The following NPTN variants were observed in gnomAD, a reference collection of about 807,000 sequenced individuals.
The protein encoded by NPTN is neuroplastin.
In NPTN, 5 loss-of-function variants were observed where a neutral mutation model predicts 42.7. The ratio of observed to expected loss-of-function variants is 0.12; its 90% confidence interval spans 0.06 to 0.25. The LOEUF is 0.25. NPTN is among the 10% of genes least tolerant of loss of function. The pLI is 1.00. For synonymous variants in NPTN, 180 were observed against 201.9 expected, an observed-to-expected ratio of 0.89 and a Z score of 0.92; for missense variants, 307 against 525.4, an observed-to-expected ratio of 0.58 and a Z score of 4.06.
chr15:73,611,700 A>G (rs1897588344), intron 1 of NPTN, among the ~76,000 whole-genome samples: 1 of 152,202 alleles, frequency 6.6e-6, no homozygotes, highest in South Asian at 2.1e-4. Context: ...CTCAAAACTC[A>G]TAGTATGCAC....
intron 1 of NPTN, among the ~76,000 whole-genome samples, chr15:73,630,055 A>T (rs765916359): frequency 6.6e-6 from 1 of 152,354 alleles, no homozygotes; most frequent in East Asian, 1.9e-4. Context: ...ATACACATGA[A>T]GAAAAATAAA....
intron 8 of NPTN, among the ~76,000 whole-genome samples, 198 bp downstream of exon 8, chr15:73,561,698 C>A (rs1031303462): frequency 6.6e-6 from 1 of 151,958 alleles, no homozygotes; most frequent in African/African-American, 2.4e-5. Flanking sequence ...CAAACAACAA[C>A]AAAAAACAAC....
intron 2 of NPTN, among the ~76,000 whole-genome samples, chr15:73,593,990 G>A (rs912344500): frequency 4.6e-5 from 7 of 151,982 alleles, no homozygotes; most frequent in African/African-American, 1.2e-4. Flanking sequence ...AATGGAAGGC[G>A]CACACACACC....
At chr15:73,561,114 G>A (rs1455256292) in intron 8 of NPTN, 66 bp from the exon 9 acceptor site, 1 of 152,338 alleles carries the variant, frequency 6.6e-6, no homozygotes, top group African/African-American at 2.4e-5. Context: ...ACTACACCGT[G>A]TGCCACACAA....
At chr15:73,593,411 GT>G (rs1368639394) in intron 2 of NPTN, among the ~76,000 whole-genome samples, 1 of 152,090 alleles carries the variant, frequency 6.6e-6, no homozygotes, top group African/African-American at 2.4e-5. Context: ...CTGTTTGTTT[GT>G]TTTCCAATTC....
intron 4 of NPTN, among the ~76,000 whole-genome samples, chr15:73,580,505 A>G (rs926234917): frequency 1.5e-5 from 2 of 131,006 alleles, no homozygotes; most frequent in Admixed American, 8.0e-5. Flanking sequence ...ATAAATATAT[A>G]TATTATATAT....
In NPTN at chr15:73,577,719, C is replaced by A. The variant is rs1895772007; in HGVS notation, c.707-3924G>T. On this transcript the variant is annotated intron_variant, in intron 4 of 8. Coordinates refer to ENST00000345330, the MANE Select transcript of NPTN (RefSeq NM_012428.4). ...ATCAGTGCTTGAGATATTTTGCAGA[C>A]CTTGCACTTGATGGATCAGCTGGCC... 2.0e-5 allele frequency among the ~76,000 whole-genome samples: 3 copies of A among 152,132 alleles called. No individual in the cohort carries two copies. In the South Asian group the frequency reaches 6.2e-4, roughly 31 times the overall value.
intron 4 of NPTN, among the ~76,000 whole-genome samples, chr15:73,587,160 T>C (rs1048181977): frequency 6.6e-6 from 1 of 152,226 alleles, no homozygotes; most frequent in Admixed American, 6.5e-5. Flanking sequence ...CCTTGGGCCA[T>C]AGGAGCTGCC....
chr15:73,572,085 T>C, intron 5 of NPTN, among the ~76,000 whole-genome samples: 1 of 152,208 alleles, frequency 6.6e-6, no homozygotes. Context: ...TGCTCCTCGT[T>C]AACGGGTCTC....
rs1896900705 is a variant in NPTN, at chr15:73,597,898, C to A, written c.92-529G>T. Among the ~76,000 whole-genome samples, 2 of 152,214 alleles carry A rather than the reference C, an allele frequency of 1.3e-5. No homozygotes were observed. The highest frequency in any genetic ancestry group is 4.8e-5 in the African/African-American group (2 of 41,456). ...GTATTAAATGACCTACTGGTGCCTT[C>A]TCTTGGGATTCAGAGTTCAAATTTC... On this transcript the variant is annotated intron_variant, in intron 1 of 8. Coordinates refer to ENST00000345330, the MANE Select transcript of NPTN (RefSeq NM_012428.4). The surrounding 1 kb of genome is among the most constrained non-coding windows in gnomAD (Gnocchi z 6.3).
chr15:73,576,629 A>G (rs1895716378), intron 4 of NPTN, among the ~76,000 whole-genome samples: 2 of 152,108 alleles, frequency 1.3e-5, no homozygotes, highest in Admixed American at 1.3e-4. Flanking sequence ...GCGCCTGGCT[A>G]AGAATGTCAC....
Position 73,570,410 on chromosome 15 carries a change from G to A in NPTN, c.854C>T (p.Thr285Ile). ...ENGMPMDIVN[T>I]SGRFFIINKE... ...GTTGATGATGAAGAAGCGGCCAGAG[G>A]TATTGACAATGTCCTGCAAAAAAGT... The change falls in exon 6 of 9, where the codon ACC (threonine) becomes ATC (isoleucine). Residue 285 changes from threonine (T) to isoleucine (I), a missense_variant. Transcript: ENST00000345330. This position sits in a 1 kb window ranked among gnomAD's most constrained non-coding sequence, Gnocchi z 4.0. 6.2e-7 allele frequency: 1 copy of A among 1,611,970 alleles called. No individual in the cohort carries two copies. The highest frequency in any genetic ancestry group is 8.5e-7 in the Non-Finnish European group (1 of 1,179,164).
At chr15:73,631,990 T>A (rs1213273237) in intron 1 of NPTN, among the ~76,000 whole-genome samples, 1 of 152,196 alleles carries the variant, frequency 6.6e-6, no homozygotes, top group African/African-American at 2.4e-5. Flanking sequence ...GCCACTTTCA[T>A]GTTCCTCGGA....
chr15:73,599,101 C>A (rs2141413121), intron 1 of NPTN, among the ~76,000 whole-genome samples: 1 of 152,284 alleles, frequency 6.6e-6, no homozygotes, highest in East Asian at 1.9e-4. Context: ...ATCCAGCATG[C>A]ATTCCTTGTA....
chr15:73,600,357 T>C (rs940087550), intron 1 of NPTN, among the ~76,000 whole-genome samples: 1 of 151,746 alleles, frequency 6.6e-6, no homozygotes, highest in African/African-American at 2.4e-5. Flanking sequence ...ATTACCATTA[T>C]TAGACATATA....
At chr15:73,578,316 GAAGC>G (rs1030602272) in intron 4 of NPTN, among the ~76,000 whole-genome samples, 6 of 152,242 alleles carry the variant, frequency 3.9e-5, no homozygotes, top group Middle Eastern at 3.4e-3. Context: ...GACAGCAGTG[GAAGC>G]AAGACCAAGC....
At position 73,633,379 on chromosome 15, in the gene NPTN, G is replaced by C; in HGVS notation, c.-164C>G. 1 of 491,692 alleles carries C rather than the reference G, an allele frequency of 2.0e-6. No individual in the cohort carries two copies. Among genetic ancestry groups the C allele is most frequent in the Non-Finnish European group, 3.4e-6 (1 of 290,526 alleles). The allele number at this position is 491,692 out of a possible 1,614,324, so 30.5% of individuals were successfully genotyped here. ...CCCGTCCTCCTCCTGCCGCCGCAGCGCCCAGGCCTCGCGAGACCTTCGCTC... is the reference window on the plus strand; with the variant it reads ...CCCGTCCTCCTCCTGCCGCCGCAGCCCCCAGGCCTCGCGAGACCTTCGCTC... On this transcript the variant is annotated 5_prime_UTR_variant, in exon 1 of 9. Transcript: ENST00000345330.
At chr15:73,590,990 C>G (rs1896563712) in intron 3 of NPTN, among the ~76,000 whole-genome samples, 1 of 151,896 alleles carries the variant, frequency 6.6e-6, no homozygotes, top group South Asian at 2.1e-4. Context: ...AAAAGAAAAA[C>G]AATTCTAGAA....
intron 1 of NPTN, 25 bp downstream of exon 1, chr15:73,633,100 G>A (rs2141492504): frequency 8.6e-7 from 1 of 1,160,160 alleles, no homozygotes; most frequent in East Asian, 2.9e-5. Flanking sequence ...ACCCCCGCCC[G>A]GCCCGCCCCC....
Sources: gnomAD v4.1 joint callset for allele counts (sites outside exome capture counted in the v4.1 genomes callset) on GRCh38, gnomAD v4.1.1 for gene constraint, Gnocchi (gnomAD v3.1) non-coding constraint, MANE v1.5 for transcripts, NCBI Gene and HGNC (gene_info 2026-07-23, HGNC 2026-07-21) for gene names.